Variants in SERPINI1 observed in about 807,000 individuals in gnomAD.
The protein encoded by SERPINI1 is neuroserpin.
A neutral mutation model predicts 41.1 loss-of-function variants in SERPINI1; 19 were observed. The observed-to-expected ratio is 0.46, with a 90% CI of 0.32 to 0.68. SERPINI1 has a LOEUF of 0.68. Ranked by LOEUF, SERPINI1 falls within the 30% of genes least tolerant of loss-of-function variation. SERPINI1 has a pLI of 0.03. For missense variants in SERPINI1, 460 were observed against 479.2 expected (o/e 0.96, Z 0.37); for synonymous variants, 138 against 156.6 (o/e 0.88, Z 0.89).
At chr3:167,749,464 A>G (rs1485883888) in intron 1 of SERPINI1, among the ~76,000 whole-genome samples, 1 of 152,224 alleles carries the variant, frequency 6.6e-6, no homozygotes, top group Non-Finnish European at 1.5e-5. Flanking sequence ...CTATCTTTAT[A>G]CAAGACAATT....
chr3:167,783,372 G>T (rs771032146), intron 1 of SERPINI1, among the ~76,000 whole-genome samples: 1 of 152,108 alleles, frequency 6.6e-6, no homozygotes, highest in Non-Finnish European at 1.5e-5. Context: ...ATAAGATAAG[G>T]AGTCCTGTTT....
chr3:167,815,709 T>G (rs1447545087), intron 6 of SERPINI1, among the ~76,000 whole-genome samples: 1 of 152,050 alleles, frequency 6.6e-6, no homozygotes, highest in Non-Finnish European at 1.5e-5. Context: ...GTCCATTTTC[T>G]TCTACTTATG....
intron 6 of SERPINI1, 175 bp from the exon 7 acceptor site, chr3:167,822,811 C>A: frequency 3.7e-6 from 2 of 537,394 alleles, no homozygotes; most frequent in Non-Finnish European, 6.7e-6. Context: ...AAAATGAGGG[C>A]AAATTAAAAA....
rs1314023387 is a variant in SERPINI1 at position 167,738,578 on chromosome 3, G to T, written c.-19+2755G>T. On this transcript the variant is annotated intron_variant, in intron 1 of 8. Coordinates refer to ENST00000446050, the MANE Select transcript of SERPINI1 (RefSeq NM_001122752.2). ...TTTTTGTTAAATTCCTATAATCCAT[G>T]ATTCCATGACCTTTTCTCCCCCAGT... 2.0e-5 allele frequency among the ~76,000 whole-genome samples: 3 copies of T among 151,812 alleles called. No homozygotes were observed. In the East Asian group the frequency reaches 5.8e-4, roughly 30 times the overall value.
At position 167,794,976 on chromosome 3, in the gene SERPINI1, CCTT is replaced by C. The variant is rs1484656199; in HGVS notation, c.881+159_881+161del. ...TTCTTCTCCTTCTCTTTCTCCTTCT[CCTT>C]CTTCTTTGATTTTCTTCTTTTTAGT... On this transcript the variant is annotated intron_variant, in intron 5 of 8. Coordinates refer to ENST00000446050, the MANE Select transcript of SERPINI1 (RefSeq NM_001122752.2). The C allele has an allele frequency of 8.0e-6, 5 of 625,652 alleles. No individual in the cohort carries two copies. In the Admixed American group the frequency reaches 8.5e-5, roughly 11 times the overall value. 38.8% of individuals were successfully genotyped at this position (625,652 alleles called of 1,614,324 possible).
chr3:167,810,045 A>G (rs1049252162), intron 6 of SERPINI1, among the ~76,000 whole-genome samples: 3 of 152,138 alleles, frequency 2.0e-5, no homozygotes, highest in African/African-American at 7.2e-5. Context: ...ATATCCTTAC[A>G]TTCCCCATGC....
intron 3 of SERPINI1, among the ~76,000 whole-genome samples, chr3:167,791,426 G>T (rs1369531789): frequency 6.6e-6 from 1 of 152,006 alleles, no homozygotes; most frequent in Admixed American, 6.6e-5. Context: ...CTTAAGAAGT[G>T]CCATGATTAA....
chr3:167,774,721 A>C (rs1010822582), intron 1 of SERPINI1, among the ~76,000 whole-genome samples: 5 of 152,160 alleles, frequency 3.3e-5, no homozygotes, highest in African/African-American at 1.2e-4. Context: ...CCTCATGAGA[A>C]TCTAACTAAT....
chr3:167,779,824 C>T (rs1367822630), intron 1 of SERPINI1, among the ~76,000 whole-genome samples: 1 of 152,104 alleles, frequency 6.6e-6, no homozygotes, highest in Non-Finnish European at 1.5e-5. Context: ...AAGAGCACGT[C>T]TCCTATTACA....
intron 1 of SERPINI1, among the ~76,000 whole-genome samples, chr3:167,774,780 C>CA (rs1726907837): frequency 6.6e-6 from 1 of 150,416 alleles, no homozygotes; most frequent in Non-Finnish European, 1.5e-5. Context: ...CATCCCCTCA[C>CA]CCCTGTCTAT....
chr3:167,808,696 A>G (rs1254880361), intron 6 of SERPINI1, among the ~76,000 whole-genome samples: 1 of 152,174 alleles, frequency 6.6e-6, no homozygotes, highest in Non-Finnish European at 1.5e-5. Flanking sequence ...TATAGCTTCT[A>G]AACCTGGAGT....
At chr3:167,814,797 C>T (rs2108571074) in intron 6 of SERPINI1, among the ~76,000 whole-genome samples, 1 of 152,234 alleles carries the variant, frequency 6.6e-6, no homozygotes, top group East Asian at 1.9e-4. Flanking sequence ...CTGGGGGAAC[C>T]TAGGGTTTAC....
intron 1 of SERPINI1, among the ~76,000 whole-genome samples, chr3:167,771,312 G>T (rs2108545679): frequency 6.7e-6 from 1 of 149,380 alleles, no homozygotes; most frequent in South Asian, 2.1e-4. Context: ...ACAGTGAAAT[G>T]TTATAAAGAT....
intron 6 of SERPINI1, among the ~76,000 whole-genome samples, chr3:167,819,723 C>A (rs1712245495): frequency 6.6e-6 from 1 of 152,100 alleles, no homozygotes; most frequent in Admixed American, 6.5e-5. Context: ...CTTTTCAAAG[C>A]TTGAAGGAAA....
intron 6 of SERPINI1, among the ~76,000 whole-genome samples, chr3:167,817,690 T>C (rs1351706617): frequency 6.6e-6 from 1 of 151,802 alleles, no homozygotes; most frequent in African/African-American, 2.4e-5. Context: ...CTCTGCCTCC[T>C]GGGTTCACGC....
intron 1 of SERPINI1, among the ~76,000 whole-genome samples, chr3:167,747,372 C>T (rs528780446): frequency 1.3e-5 from 2 of 152,180 alleles, no homozygotes; most frequent in South Asian, 2.1e-4. Context: ...TGGCCGGGCA[C>T]GGTGGCTCAA....
intron 1 of SERPINI1, among the ~76,000 whole-genome samples, chr3:167,763,936 A>C (rs1726472012): frequency 6.6e-6 from 1 of 152,206 alleles, no homozygotes; most frequent in Non-Finnish European, 1.5e-5. Flanking sequence ...AAAGCTATTT[A>C]ATCTAGAACT....
At chr3:167,778,693 G>A (rs1012666665) in intron 1 of SERPINI1, among the ~76,000 whole-genome samples, 3 of 152,216 alleles carry the variant, frequency 2.0e-5, no homozygotes, top group Admixed American at 6.5e-5. Context: ...CTGGCTACAT[G>A]ATTCCTGAGC....
chr3:167,760,584 TG>T (rs1726344917), intron 1 of SERPINI1, among the ~76,000 whole-genome samples: 2 of 150,042 alleles, frequency 1.3e-5, no homozygotes, highest in Non-Finnish European at 3.0e-5. Flanking sequence ...TGTGTGTGTG[TG>T]TGTGTGTGTG....
Sources: gnomAD v4.1 joint callset for allele counts (sites outside exome capture counted in the v4.1 genomes callset) on GRCh38, gnomAD v4.1.1 for gene constraint, MANE v1.5 for transcripts, NCBI Gene and HGNC (gene_info 2026-07-23, HGNC 2026-07-21) for gene names.